Variants in LRP1B observed in about 807,000 individuals in gnomAD.
LRP1B encodes LDL receptor related protein 1B.
Under a neutral mutation model 556.6 loss-of-function variants are expected in LRP1B, and 217 were observed. The observed-to-expected ratio is 0.39, with a 90% CI of 0.35 to 0.44. The LOEUF is 0.44. Ranked by LOEUF, LRP1B falls within the 20% of genes least tolerant of loss-of-function variation. The pLI, the probability that LRP1B is intolerant of heterozygous loss-of-function variation, is 1.00. For missense variants in LRP1B, 5,053 were observed against 5,620.8 expected (o/e 0.90, Z 3.23); for synonymous variants, 2,047 against 1,865.8 (o/e 1.10, Z -2.50).
chr2:142,101,942 A>G (rs1706581045), intron 1 of LRP1B, among the ~76,000 whole-genome samples: 2 of 151,994 alleles, frequency 1.3e-5, no homozygotes. Flanking sequence ...CTGAGATAGT[A>G]TGGAGAGAGA....
rs78430906 is a variant in LRP1B at position 141,629,315 on chromosome 2, C to A, written c.206-148782G>T. Among the ~76,000 whole-genome samples the A allele has an allele frequency of 6.4e-3, 968 of 152,264 alleles. 13 individuals are homozygous for A. Among genetic ancestry groups the A allele is most frequent in the African/African-American group, 0.023 (935 of 41,542 alleles). On this transcript the variant is annotated intron_variant, in intron 2 of 90. Transcript: ENST00000389484. ...ATACACTAAGCTACTTGAAATTCTA[C>A]CATCTCCATATTTCCCTGTTTAAAC...
intron 24 of LRP1B, 140 bp downstream of exon 24, chr2:140,885,998 C>T: frequency 3.5e-6 from 2 of 569,384 alleles, no homozygotes; most frequent in South Asian, 5.4e-5. Context: ...GCTCAATATC[C>T]CTGATTTTAC....
chr2:140,729,957 A>G (rs1468794082), intron 35 of LRP1B, among the ~76,000 whole-genome samples: 1 of 152,118 alleles, frequency 6.6e-6, no homozygotes, highest in Non-Finnish European at 1.5e-5. Context: ...CTTCTCATTT[A>G]CTTGTGCTTG....
At position 141,394,423 on chromosome 2, in the gene LRP1B, A is replaced by G. The variant is rs192642960; in HGVS notation, c.343+85973T>C. On this transcript the variant is annotated intron_variant, in intron 3 of 90. Coordinates refer to ENST00000389484, the MANE Select transcript of LRP1B (RefSeq NM_018557.3). ...ATAGTAAACCCTATAAATCAGGCCC[A>G]TAATAGAAATTCTGGCAGTCTTTTT... Among the ~76,000 whole-genome samples the G allele has an allele frequency of 4.6e-5, 7 of 152,224 alleles. No individual in the cohort carries two copies. In the East Asian group the frequency reaches 1.4e-3, roughly 29 times the overall value.
At chr2:142,117,539 T>C (rs1039173844) in intron 1 of LRP1B, among the ~76,000 whole-genome samples, 1 of 152,122 alleles carries the variant, frequency 6.6e-6, no homozygotes, top group Non-Finnish European at 1.5e-5. Context: ...AACCACAGGC[T>C]GTTAGCCTCA....
rs182789524 is a variant in LRP1B, at chr2:141,002,907, A to G, written c.2503+2428T>C. 5.3e-5 allele frequency among the ~76,000 whole-genome samples: 8 copies of G among 152,178 alleles called. 1 individual carries two copies. The East Asian group carries it at 1.6e-3, about 30-fold the overall frequency. On this transcript the variant is annotated intron_variant, in intron 15 of 90. Coordinates refer to ENST00000389484, the MANE Select transcript of LRP1B (RefSeq NM_018557.3). The stretch of plus-strand genomic sequence containing the variant: ...CTTATTTTTGGTAATTCAAAGTCAT[A>G]TTCTTGGTCAGATATGCTAATTTTA...
At chr2:141,447,340 C>T (rs1189592327) in intron 3 of LRP1B, among the ~76,000 whole-genome samples, 1 of 151,874 alleles carries the variant, frequency 6.6e-6, no homozygotes, top group Non-Finnish European at 1.5e-5. Context: ...TCTTAGCTTC[C>T]TTGCATTGGG....
chr2:140,969,629 T>C (rs1242296330), intron 18 of LRP1B, among the ~76,000 whole-genome samples: 1 of 152,246 alleles, frequency 6.6e-6, no homozygotes, highest in Non-Finnish European at 1.5e-5. Flanking sequence ...CGATGGTCTT[T>C]ACAATTTGGC....
chr2:140,614,947 G>C (rs1381952928), intron 41 of LRP1B, among the ~76,000 whole-genome samples: 2 of 152,138 alleles, frequency 1.3e-5, no homozygotes, highest in Non-Finnish European at 2.9e-5. Flanking sequence ...CTGGGCATAG[G>C]CCAAGCTATC....
chr2:141,601,916 T>G (rs1687760125), intron 2 of LRP1B, among the ~76,000 whole-genome samples: 1 of 152,134 alleles, frequency 6.6e-6, no homozygotes, highest in Non-Finnish European at 1.5e-5. Context: ...CATTATTTTC[T>G]TAAGCCTCCA....
intron 3 of LRP1B, among the ~76,000 whole-genome samples, chr2:141,411,811 C>CA (rs950917905): frequency 1.8e-4 from 28 of 151,860 alleles, no homozygotes; most frequent in Non-Finnish European, 3.8e-4. Context: ...TATGTCAAGA[C>CA]AAAAAATACA....
chr2:140,514,734 G>T lies in LRP1B; in HGVS notation c.8188C>A (p.Gln2730Lys), dbSNP rs1171636875. Residue 2730 changes from glutamine (Q) to lysine (K), a missense_variant, in exon 51 of 91, where the codon CAA becomes AAA. Physicochemically the swap from Gln to Lys is moderately conservative, Grantham distance 53. This residue lies in a region of LRP1B where 3,619 missense variants were observed against 3,931.9 expected (regional missense o/e 0.92). Coordinates refer to ENST00000389484, the MANE Select transcript of LRP1B (RefSeq NM_018557.3). ...CSWNQFACSAQKCISKHWICD... is the reference protein window; with the variant it reads ...CSWNQFACSAKKCISKHWICD... ...ATCCAATGCTTAGAAATACATTTTT[G>T]TGCGGAACAAGCAAATTGGTTCCAA... 1.2e-6 allele frequency: 2 copies of T among 1,611,824 alleles called. No individual in the cohort carries two copies. The highest frequency in any genetic ancestry group is 1.7e-6 in the Non-Finnish European group (2 of 1,178,700).
chr2:140,264,762 TTTAA>T (rs1166326665), intron 86 of LRP1B, among the ~76,000 whole-genome samples: 73 of 150,726 alleles, frequency 4.8e-4, no homozygotes, highest in African/African-American at 1.7e-3. Flanking sequence ...CCCACTGAAA[TTTAA>T]TTTATTTAGT....
intron 20 of LRP1B, among the ~76,000 whole-genome samples, chr2:140,947,056 A>C (rs1695568864): frequency 6.6e-6 from 1 of 152,306 alleles, no homozygotes; most frequent in South Asian, 2.1e-4. Flanking sequence ...AACACTGCCT[A>C]TTGGGTGCTA....
At chr2:140,390,185 C>T (rs768233579) in intron 66 of LRP1B, among the ~76,000 whole-genome samples, 1 of 151,838 alleles carries the variant, frequency 6.6e-6, no homozygotes. Flanking sequence ...AATAATCAAA[C>T]ATTTCTTGAA....
chr2:141,024,907 T>C (rs970416347), intron 11 of LRP1B, among the ~76,000 whole-genome samples: 6 of 152,060 alleles, frequency 3.9e-5, no homozygotes, highest in Non-Finnish European at 7.4e-5. Flanking sequence ...CCTATTATAA[T>C]GGGCAGTAAG....
intron 2 of LRP1B, among the ~76,000 whole-genome samples, chr2:141,508,822 G>A (rs547668765): frequency 5.3e-5 from 8 of 152,136 alleles, no homozygotes; most frequent in African/African-American, 9.6e-5. Flanking sequence ...TAACCATTAC[G>A]ATTGGTCACT....
intron 43 of LRP1B, among the ~76,000 whole-genome samples, chr2:140,588,777 G>A (rs189567160): frequency 1.8e-3 from 280 of 152,158 alleles, no homozygotes; most frequent in African/African-American, 6.4e-3. Context: ...GGCTAACACG[G>A]TGAAACCCTG....
chr2:140,933,628 G>A (rs12614100), intron 20 of LRP1B, among the ~76,000 whole-genome samples: 14,161 of 151,968 alleles, frequency 0.093, 909 homozygotes, highest in East Asian at 0.26. Context: ...AACAAAACAA[G>A]GGATGTTACT....
Sources: allele counts gnomAD v4.1 joint callset (sites outside exome capture counted in the v4.1 genomes callset), GRCh38; gene constraint gnomAD v4.1.1; regional missense constraint gnomAD v4.1.1; transcripts MANE v1.5; gene names NCBI Gene and HGNC (gene_info 2026-07-23, HGNC 2026-07-21).